MITF: variants seen among roughly 807,000 people sequenced by gnomAD.
MITF encodes melanocyte inducing transcription factor, also known as microphthalmia-associated transcription factor.
A neutral mutation model predicts 60.5 loss-of-function variants in MITF; 17 were observed. The ratio of observed to expected loss-of-function variants is 0.28; its 90% CI spans 0.19 to 0.42. The LOEUF (loss-of-function observed/expected upper bound fraction) is 0.42. MITF is among the 10% of genes least tolerant of loss of function. MITF has a pLI of 1.00. For missense variants in MITF, 622 were observed against 683.5 expected (o/e 0.91, Z 1.00); for synonymous variants, 260 against 248.5 (o/e 1.05, Z -0.43).
At chr3:69,938,072 T>A (rs1225001621) in intron 3 of MITF, 23 bp downstream of exon 3, 2 of 1,601,002 alleles carry the variant, frequency 1.2e-6, no homozygotes, top group Non-Finnish European at 1.7e-6. Context: ...TCCTCTCCTC[T>A]CCTGTTTTCT....
chr3:69,880,420 C>G (rs908129164), intron 2 of MITF, among the ~76,000 whole-genome samples: 1 of 151,864 alleles, frequency 6.6e-6, no homozygotes, highest in African/African-American at 2.4e-5. Flanking sequence ...TTTTTATTTG[C>G]GAAGACTTAA....
At chr3:69,939,212 A>G (rs1300784589) in intron 4 of MITF, 31 bp downstream of exon 4, 1 of 1,580,610 alleles carries the variant, frequency 6.3e-7, no homozygotes, top group African/African-American at 1.3e-5. Flanking sequence ...CTGAGGATGA[A>G]CACTTTGTAA....
At chr3:69,911,818 G>T (rs2065231342) in intron 2 of MITF, among the ~76,000 whole-genome samples, 1 of 152,208 alleles carries the variant, frequency 6.6e-6, no homozygotes, top group Admixed American at 6.5e-5. Context: ...TACATTGCTA[G>T]TGAGAGCAAA....
At chr3:69,742,412 C>A (rs184910650) in intron 1 of MITF, among the ~76,000 whole-genome samples, 2 of 152,258 alleles carry the variant, frequency 1.3e-5, no homozygotes, top group East Asian at 3.9e-4. Flanking sequence ...AAGTCAGATC[C>A]TGTCATTCTC....
intron 2 of MITF, chr3:69,936,458 A>T: frequency 1.8e-6 from 1 of 562,134 alleles, no homozygotes; most frequent in Non-Finnish European, 2.8e-6. Context: ...AGCCAGGGGG[A>T]AAAATTGATA....
intron 1 of MITF, among the ~76,000 whole-genome samples, chr3:69,770,599 G>A (rs2062378363): frequency 6.6e-6 from 1 of 152,204 alleles, no homozygotes; most frequent in Non-Finnish European, 1.5e-5. Flanking sequence ...AATTCAATCA[G>A]CATTTACTGT....
intron 2 of MITF, among the ~76,000 whole-genome samples, chr3:69,902,335 AC>A (rs1219892173): frequency 6.6e-6 from 1 of 152,158 alleles, no homozygotes; most frequent in African/African-American, 2.4e-5. Context: ...ATATATGTAT[AC>A]TTGAAGCTTG....
intron 2 of MITF, among the ~76,000 whole-genome samples, chr3:69,885,826 A>G (rs895219554): frequency 6.6e-6 from 1 of 152,082 alleles, no homozygotes; most frequent in East Asian, 1.9e-4. Flanking sequence ...GGAGGCTCCT[A>G]TAGATGTGAT....
At chr3:69,827,478 G>T (rs888653144) in intron 1 of MITF, among the ~76,000 whole-genome samples, 1 of 152,170 alleles carries the variant, frequency 6.6e-6, no homozygotes, top group Non-Finnish European at 1.5e-5. Context: ...AAAAGGAAAC[G>T]GAGGAACCAC....
At chr3:69,795,566 A>C (rs2062814003) in intron 1 of MITF, among the ~76,000 whole-genome samples, 1 of 151,976 alleles carries the variant, frequency 6.6e-6, no homozygotes, top group South Asian at 2.1e-4. Context: ...TCTCTACAAA[A>C]ATTTTAAAAA....
intron 7 of MITF, 102 bp downstream of exon 7, chr3:69,951,988 T>C: frequency 3.5e-6 from 3 of 859,820 alleles, no homozygotes; most frequent in Non-Finnish European, 5.8e-6. Flanking sequence ...TTCCTACAGC[T>C]GTTAAAATTC....
intron 2 of MITF, among the ~76,000 whole-genome samples, chr3:69,932,238 C>T (rs376239016): frequency 1.5e-4 from 23 of 152,308 alleles, no homozygotes; most frequent in African/African-American, 5.5e-4. Context: ...TGTTGCTACT[C>T]TTCAAATCTG....
intron 1 of MITF, among the ~76,000 whole-genome samples, chr3:69,749,936 A>C (rs974607774): frequency 6.6e-6 from 1 of 152,240 alleles, no homozygotes; most frequent in Non-Finnish European, 1.5e-5. Context: ...GGTAATTCTA[A>C]CAATACTGAT....
chr3:69,755,682 G>A (rs1320157897), intron 1 of MITF, among the ~76,000 whole-genome samples: 1 of 151,762 alleles, frequency 6.6e-6, no homozygotes, highest in African/African-American at 2.4e-5. Flanking sequence ...CTTTCTCAGG[G>A]GAGAGATTTC....
chr3:69,779,853 T>G (rs2062535152), intron 1 of MITF, among the ~76,000 whole-genome samples: 1 of 152,098 alleles, frequency 6.6e-6, no homozygotes, highest in Non-Finnish European at 1.5e-5. Context: ...CTGAAGTCTT[T>G]TAAAGGGAAA....
chr3:69,921,593 A>G (rs1311212080), intron 2 of MITF, among the ~76,000 whole-genome samples: 1 of 152,204 alleles, frequency 6.6e-6, no homozygotes, highest in Non-Finnish European at 1.5e-5. Context: ...TACAGTGAAG[A>G]TGACGTTTCC....
chr3:69,833,150 T>C (rs752834892), intron 1 of MITF, among the ~76,000 whole-genome samples: 7 of 151,236 alleles, frequency 4.6e-5, no homozygotes, highest in Non-Finnish European at 1.0e-4. Flanking sequence ...GCTTTCCTGT[T>C]CACATTGTAT....
At chr3:69,927,865 G>A (rs2065629267) in intron 2 of MITF, among the ~76,000 whole-genome samples, 1 of 152,216 alleles carries the variant, frequency 6.6e-6, no homozygotes, top group Non-Finnish European at 1.5e-5. Context: ...CTGAAAGCCT[G>A]AACTATATGG....
intron 1 of MITF, among the ~76,000 whole-genome samples, chr3:69,811,656 C>A (rs2063102288): frequency 6.6e-6 from 1 of 152,230 alleles, no homozygotes; most frequent in African/African-American, 2.4e-5. Flanking sequence ...CCTGCCAGAT[C>A]TTCAGCTGGC....
Sources: gnomAD v4.1 joint callset for allele counts (sites outside exome capture counted in the v4.1 genomes callset) on GRCh38, gnomAD v4.1.1 for gene constraint, MANE v1.5 for transcripts, NCBI Gene and HGNC (gene_info 2026-07-23, HGNC 2026-07-21) for gene names.